Variants in USH2A observed in about 807,000 individuals in gnomAD.
The protein encoded by USH2A is Usher syndrome 2A (autosomal recessive, mild).
A neutral mutation model predicts 538.9 loss-of-function variants in USH2A; 443 were observed. The observed-to-expected ratio is 0.82, with a 90% confidence interval of 0.76 to 0.89. The LOEUF (loss-of-function observed/expected upper bound fraction) is 0.89, where lower values mean the gene tolerates loss of function less well. Among genes scored for constraint, USH2A ranks in the 40% least tolerant of loss-of-function variants. The pLI is 0.00. For synonymous variants in USH2A, 2,413 were observed against 2,273.5 expected (o/e 1.06, Z -1.75); for missense variants, 6,633 against 6,324.8 (o/e 1.05, Z -1.65).
At chr1:216,092,799 C>A (rs1045518281) in intron 22 of USH2A, among the ~76,000 whole-genome samples, 100 of 152,082 alleles carry the variant, frequency 6.6e-4, no homozygotes, top group African/African-American at 2.3e-3. Context: ...TCAGCTAGAT[C>A]CTAAGGCCAT....
chr1:216,038,154 G>T (rs1226188472), intron 32 of USH2A, among the ~76,000 whole-genome samples: 1 of 151,960 alleles, frequency 6.6e-6, no homozygotes, highest in Non-Finnish European at 1.5e-5. Context: ...ATACTGTCTT[G>T]TTCCTTGTCC....
intron 61 of USH2A, among the ~76,000 whole-genome samples, chr1:215,694,963 A>T (rs1023472496): frequency 6.6e-6 from 1 of 152,258 alleles, no homozygotes; most frequent in African/African-American, 2.4e-5. Flanking sequence ...AATAAGACAG[A>T]TGCATTCTAT....
intron 61 of USH2A, among the ~76,000 whole-genome samples, chr1:215,690,088 T>C (rs1179428424): frequency 1.3e-5 from 2 of 152,218 alleles, no homozygotes; most frequent in Admixed American, 6.5e-5. Context: ...GATGTGAAGA[T>C]GAATAGACAC....
chr1:216,399,798 GAA>G (rs1418635735), intron 3 of USH2A, among the ~76,000 whole-genome samples: 1 of 152,092 alleles, frequency 6.6e-6, no homozygotes, highest in Non-Finnish European at 1.5e-5. Flanking sequence ...CAGGGAAGCT[GAA>G]GTTTCACCCT....
At chr1:216,037,680 CT>C (rs574422563) in intron 32 of USH2A, among the ~76,000 whole-genome samples, 56 of 151,950 alleles carry the variant, frequency 3.7e-4, no homozygotes, top group Admixed American at 1.2e-3. Context: ...GTTCACTCAA[CT>C]TTTTTTTAAC....
intron 70 of USH2A, among the ~76,000 whole-genome samples, chr1:215,629,806 T>C (rs1481768667): frequency 1.3e-5 from 2 of 149,732 alleles, no homozygotes; most frequent in Non-Finnish European, 3.0e-5. Context: ...GACAGAGTTT[T>C]GCTCTTTCGC....
chr1:216,335,834 T>C (rs2037958942), intron 4 of USH2A, among the ~76,000 whole-genome samples: 2 of 151,592 alleles, frequency 1.3e-5, no homozygotes, highest in Non-Finnish European at 1.5e-5. Flanking sequence ...ATTGGCGAAT[T>C]CTACCAAACA....
rs139621048 is a variant in USH2A, at chr1:215,859,394, C to T, written c.8845+7613G>A. Among the ~76,000 whole-genome samples, 322 of 151,996 alleles carry T rather than the reference C, an allele frequency of 2.1e-3. 2 individuals carry two copies. Among genetic ancestry groups the T allele is most frequent in the East Asian group, 0.021 (108 of 5,136 alleles). ...CTAAAAATACAAAAAATCAGCCAGG[C>T]GTGGTGGGATGTGCCTGTAGTCCCA... On this transcript the variant is annotated intron_variant, in intron 44 of 71. Transcript: ENST00000307340.
chr1:215,721,528 G>T (rs947546172), intron 61 of USH2A, among the ~76,000 whole-genome samples: 6 of 152,150 alleles, frequency 3.9e-5, no homozygotes, highest in African/African-American at 1.4e-4. Flanking sequence ...CTGGGATAAA[G>T]TGGTTGGAGA....
At chr1:215,937,202 A>G (rs2102502158) in intron 37 of USH2A, among the ~76,000 whole-genome samples, 1 of 152,298 alleles carries the variant, frequency 6.6e-6, no homozygotes, top group East Asian at 1.9e-4. Flanking sequence ...CAGTAAAGGC[A>G]GATAAAGACA....
intron 21 of USH2A, among the ~76,000 whole-genome samples, chr1:216,155,310 T>C (rs971235447): frequency 9.2e-5 from 14 of 152,144 alleles, no homozygotes; most frequent in African/African-American, 3.4e-4. Context: ...TGCTAAAATG[T>C]AGGTGTAATT....
At position 215,767,305 on chromosome 1, in the gene USH2A, C is replaced by T. The variant is rs1420218251; in HGVS notation, c.10940-517G>A. On this transcript the variant is annotated intron_variant, in intron 55 of 71. Coordinates refer to ENST00000307340, the MANE Select transcript of USH2A (RefSeq NM_206933.4). ...TCAAATCCCCCCTGAGTCTTCTCTT[C>T]TCCAGGCTAACCATCCCAGTCTCTG... 1.2e-4 allele frequency among the ~76,000 whole-genome samples: 19 copies of T among 152,320 alleles called. 1 individual carries two copies.
At chr1:215,777,422 C>T (rs182530200) in intron 55 of USH2A, among the ~76,000 whole-genome samples, 22 of 152,296 alleles carry the variant, frequency 1.4e-4, no homozygotes, top group Admixed American at 6.5e-4. Context: ...AGCAACAATT[C>T]GAAGCTGATG....
intron 3 of USH2A, among the ~76,000 whole-genome samples, chr1:216,404,761 C>T (rs1485322954): frequency 6.6e-6 from 1 of 151,808 alleles, no homozygotes; most frequent in Non-Finnish European, 1.5e-5. Flanking sequence ...GTTGGGACTA[C>T]AGGTGCACTC....
At chr1:215,782,361 T>C (rs1017561914) in intron 53 of USH2A, among the ~76,000 whole-genome samples, 165 bp from the exon 54 acceptor site, 3 of 150,398 alleles carry the variant, frequency 2.0e-5, no homozygotes, top group South Asian at 2.1e-4. Flanking sequence ...TATACTATTA[T>C]GGAGGAGATG....
At chr1:215,797,389 C>T (rs1370664213) in intron 50 of USH2A, among the ~76,000 whole-genome samples, 2 of 152,206 alleles carry the variant, frequency 1.3e-5, no homozygotes, top group African/African-American at 4.8e-5. Flanking sequence ...AACAGATCTT[C>T]ATTGTAGATG....
chr1:216,078,111 A>G lies in USH2A; in HGVS notation c.5550T>C (p.Tyr1850=), dbSNP rs763831329. Residue 1850 remains tyrosine (Y), a synonymous_variant, in exon 27 of 72, where the codon TAT becomes TAC. Transcript: ENST00000307340. ...TACCTTGTTCCAAACACAAATGTTG[A>G]TAAGAGTTCAGCAGTTCCTGTGGGA... ...GGIPQELLNS[Y]QHLCLEQGFG... 1.2e-6 allele frequency: 2 copies of G among 1,613,532 alleles called. No homozygotes were observed. The highest frequency in any genetic ancestry group is 1.3e-5 in the African/African-American group (1 of 74,894).
At chr1:216,346,447 G>A (rs2038177374) in intron 4 of USH2A, among the ~76,000 whole-genome samples, 1 of 152,018 alleles carries the variant, frequency 6.6e-6, no homozygotes, top group Admixed American at 6.6e-5. Flanking sequence ...TTACTTTTGG[G>A]GGTATCAGAA....
intron 4 of USH2A, among the ~76,000 whole-genome samples, chr1:216,334,143 A>T (rs2037924563): frequency 6.6e-6 from 1 of 152,092 alleles, no homozygotes; most frequent in Admixed American, 6.6e-5. Flanking sequence ...AGCAATAATT[A>T]TATATCTGTG....
Sources: gnomAD v4.1 joint callset for allele counts (sites outside exome capture counted in the v4.1 genomes callset) on GRCh38, gnomAD v4.1.1 for gene constraint, MANE v1.5 for transcripts, NCBI Gene and HGNC (gene_info 2026-07-23, HGNC 2026-07-21) for gene names.